The following NHSL1 variants were observed in gnomAD, a reference collection of about 807,000 sequenced individuals.
NHSL1 encodes the protein NHS like 1.
NHSL1 carries 48 observed loss-of-function variants against 95.0 expected under a neutral mutation model. The ratio of observed to expected loss-of-function variants is 0.51; its 90% CI spans 0.40 to 0.64. The LOEUF is 0.64. Among genes scored for constraint, NHSL1 ranks in the 30% least tolerant of loss-of-function variants. The pLI, the probability that NHSL1 is intolerant of heterozygous loss-of-function variation, is 0.00. For synonymous variants in NHSL1, 783 were observed against 833.9 expected, an observed-to-expected ratio of 0.94 and a Z score of 1.05; for missense variants, 1,971 against 2,077.7, an observed-to-expected ratio of 0.95 and a Z score of 1.00.
chr6:138,526,824 T>G (rs1781924781), intron 1 of NHSL1, among the ~76,000 whole-genome samples: 2 of 152,198 alleles, frequency 1.3e-5, no homozygotes, highest in African/African-American at 4.8e-5. Context: ...CTTTTAAAAT[T>G]TAAATATCCT....
At chr6:138,592,424 C>T (rs1257884477) in intron 1 of NHSL1, among the ~76,000 whole-genome samples, 4 of 152,052 alleles carry the variant, frequency 2.6e-5, no homozygotes, top group Non-Finnish European at 4.4e-5. Context: ...CATGGGGAAA[C>T]CCCGTCTCTA....
chr6:138,567,986 G>T (rs749489498), intron 1 of NHSL1, among the ~76,000 whole-genome samples: 4 of 152,160 alleles, frequency 2.6e-5, no homozygotes, highest in Non-Finnish European at 5.9e-5. Flanking sequence ...TGAGAAGACG[G>T]ACACCCCATA....
At chr6:138,445,895 G>A (rs1345871523) in intron 4 of NHSL1, among the ~76,000 whole-genome samples, 1 of 152,150 alleles carries the variant, frequency 6.6e-6, no homozygotes, top group Non-Finnish European at 1.5e-5. Flanking sequence ...TTAGTCATCT[G>A]CTTCCATCAA....
intron 3 of NHSL1, among the ~76,000 whole-genome samples, chr6:138,464,576 T>C (rs1778223603): frequency 6.6e-6 from 1 of 152,218 alleles, no homozygotes; most frequent in Admixed American, 6.5e-5. Flanking sequence ...CTAGATTTAC[T>C]ATAAGTGATC....
chr6:138,536,602 C>CTTTTTTT (rs563509738), intron 1 of NHSL1, among the ~76,000 whole-genome samples: 7 of 80,038 alleles, frequency 8.7e-5, no homozygotes, highest in Non-Finnish European at 1.2e-4. Context: ...CATATGTCAT[C>CTTTTTTT]TTTTTTTTTT....
rs1014789946 is a variant in NHSL1 at position 138,661,237 on chromosome 6, A to G, written c.96+31239T>C. Among the ~76,000 whole-genome samples the G allele has an allele frequency of 7.2e-5, 11 of 152,164 alleles. 1 individual carries two copies. Among genetic ancestry groups the G allele is most frequent in the Non-Finnish European group, 1.6e-4 (11 of 68,026 alleles). On this transcript the variant is annotated intron_variant, in intron 1 of 3. Coordinates refer to the NHSL1 transcript ENST00000491526. ...ATCCCCCAGAATGTATTCCTACTGC[A>G]TAACTGAAACTGTATACCCTTTGAC...
Position 138,431,465 on chromosome 6 carries a change from G to A in NHSL1, c.2880C>T (p.Ser960=). The change falls in exon 6 of 8, where the codon TCC becomes TCT. Residue 960 remains serine (S), a synonymous_variant. Transcript: ENST00000343505. The surrounding 1 kb of genome is among the most constrained non-coding windows in gnomAD (Gnocchi z 4.0). ...GAGAGTGAGGCAGAGGAGAGCCCTGGGAGCAATCTGTGACAGGAGGTGGGG... is the reference window on the plus strand; with the variant it reads ...GAGAGTGAGGCAGAGGAGAGCCCTGAGAGCAATCTGTGACAGGAGGTGGGG... ...LPPPPPVTDC[S]QGSPLPHSPV... The A allele has an allele frequency of 1.9e-6, 3 of 1,551,106 alleles. No homozygotes were observed. The highest frequency in any genetic ancestry group is 2.6e-6 in the Non-Finnish European group (3 of 1,146,892).
chr6:138,464,327 G>C lies in NHSL1; in HGVS notation c.339+8979C>G, dbSNP rs543711074. The C allele has an allele frequency of 8.4e-6, 5 of 594,938 alleles. No individual in the cohort carries two copies. In the South Asian group the frequency reaches 8.9e-5, roughly 11 times the overall value. 36.9% of individuals were successfully genotyped at this position (594,938 alleles called of 1,614,324 possible). The stretch of plus-strand genomic sequence containing the variant: ...CTGGGCCCTCAGCGCCACACTCCTG[G>C]AGCTCCACGGCCTGGAGGCCATCTT... On this transcript the variant is annotated intron_variant, in intron 3 of 7. Coordinates refer to ENST00000343505, the MANE Select transcript of NHSL1 (RefSeq NM_001144060.2).
intron 1 of NHSL1, among the ~76,000 whole-genome samples, chr6:138,608,443 T>TA (rs952161833): frequency 3.3e-5 from 5 of 152,138 alleles, no homozygotes; most frequent in Admixed American, 2.6e-4. Context: ...TTGAAACAGA[T>TA]AAAAAATGGA....
At chr6:138,676,055 C>T (rs1399945565) in intron 1 of NHSL1, among the ~76,000 whole-genome samples, 2 of 152,072 alleles carry the variant, frequency 1.3e-5, no homozygotes, top group Admixed American at 1.3e-4. Context: ...CTAATTGGAA[C>T]CCAACTAAGC....
At chr6:138,600,381 G>C (rs1454701484) in intron 1 of NHSL1, among the ~76,000 whole-genome samples, 1 of 152,168 alleles carries the variant, frequency 6.6e-6, no homozygotes, top group Non-Finnish European at 1.5e-5. Flanking sequence ...CTATAGGCAT[G>C]AGCCTGGCAA....
upstream of NHSL1, among the ~76,000 whole-genome samples, chr6:138,500,243 C>G (rs1433886284): frequency 6.6e-6 from 1 of 152,178 alleles, no homozygotes; most frequent in East Asian, 1.9e-4. Context: ...TTGTCTCAAA[C>G]AAACATTATC....
chr6:138,467,385 C>A (rs556526290), intron 3 of NHSL1, among the ~76,000 whole-genome samples: 1 of 152,284 alleles, frequency 6.6e-6, no homozygotes, highest in Admixed American at 6.5e-5. Context: ...ATCTCCTGAC[C>A]TCATGATCCG....
chr6:138,618,986 T>C (rs1020640279), intron 1 of NHSL1, among the ~76,000 whole-genome samples: 1 of 152,188 alleles, frequency 6.6e-6, no homozygotes, highest in Non-Finnish European at 1.5e-5. Flanking sequence ...CCATTTCCTC[T>C]GAGTTTTTCT....
chr6:138,490,150 A>T (rs80347481), intron 2 of NHSL1, among the ~76,000 whole-genome samples: 4 of 151,354 alleles, frequency 2.6e-5, no homozygotes, highest in South Asian at 2.1e-4. Flanking sequence ...TATATGTCAT[A>T]TTTTTTTTTA....
chr6:138,608,139 A>G (rs578071300), intron 1 of NHSL1, among the ~76,000 whole-genome samples: 2 of 152,372 alleles, frequency 1.3e-5, no homozygotes, highest in South Asian at 2.1e-4. Context: ...CTCAAAGGAC[A>G]TATTTTAGCT....
At chr6:138,669,782 G>C (rs1045277280) in intron 1 of NHSL1, among the ~76,000 whole-genome samples, 1 of 152,162 alleles carries the variant, frequency 6.6e-6, no homozygotes, top group Non-Finnish European at 1.5e-5. Context: ...AGAGAGTAGA[G>C]GGGTCTTCTT....
At position 138,510,101 on chromosome 6, in the gene NHSL1, G is replaced by T. The variant is rs1368009565; in HGVS notation, c.17-13730C>A. Among the ~76,000 whole-genome samples, 3 of 152,304 alleles carry T rather than the reference G, an allele frequency of 2.0e-5. No individual in the cohort carries two copies. In the South Asian group the frequency reaches 6.2e-4, roughly 32 times the overall value. On this transcript the variant is annotated intron_variant, in intron 1 of 4. Transcript: ENST00000342260. ...CCAATTAATAATCAATAAGTATAAA[G>T]ATTTAGAGAAAAAGGATAGAGTTAA... is the stretch of plus-strand genomic sequence containing the variant.
At chr6:138,514,108 G>A (rs182296520) in intron 1 of NHSL1, among the ~76,000 whole-genome samples, 1 of 152,122 alleles carries the variant, frequency 6.6e-6, no homozygotes, top group Non-Finnish European at 1.5e-5. Flanking sequence ...CCTGAGGTCA[G>A]GAGTTCGAGA....
Sources: allele counts gnomAD v4.1 joint callset (sites outside exome capture counted in the v4.1 genomes callset), GRCh38; gene constraint gnomAD v4.1.1; non-coding constraint Gnocchi (gnomAD v3.1); transcripts MANE v1.5; gene names NCBI Gene and HGNC (gene_info 2026-07-23, HGNC 2026-07-21).